CYP19A1: variants seen among roughly 807,000 people sequenced by gnomAD.
CYP19A1 encodes the protein aromatase.
A neutral mutation model predicts 44.4 loss-of-function variants in CYP19A1; 32 were observed. The observed-to-expected ratio is 0.72, with a 90% confidence interval of 0.54 to 0.97. The LOEUF is 0.97. Ranked by LOEUF, CYP19A1 falls within the 50% of genes least tolerant of loss-of-function variation. CYP19A1 has a pLI of 0.00. For synonymous variants in CYP19A1, 212 were observed against 215.6 expected (o/e 0.98, Z 0.14); for missense variants, 598 against 637.8 (o/e 0.94, Z 0.67).
intron 1 of CYP19A1, among the ~76,000 whole-genome samples, chr15:51,263,152 A>T (rs923138291): frequency 1.3e-5 from 2 of 152,222 alleles, no homozygotes; most frequent in African/African-American, 4.8e-5. Flanking sequence ...CAAAAAAAAA[A>T]TCCTCAGAAA....
rs545168622 is a variant in CYP19A1 at position 51,232,419 on chromosome 15, G to A, written c.296+4440C>T. Among the ~76,000 whole-genome samples the A allele has an allele frequency of 1.7e-4, 26 of 152,224 alleles. 1 individual carries two copies. The highest frequency in any genetic ancestry group is 6.0e-4 in the African/African-American group (25 of 41,496). On this transcript the variant is annotated intron_variant, in intron 3 of 9. Transcript: ENST00000396402. ...CTGGTTTTCTCTTCTCGGTCTAGCT[G>A]CTCTTCTCAGTCTCTGTTGCTAGTT...
chr15:51,322,175 G>A (rs912403345), intron 1 of CYP19A1, among the ~76,000 whole-genome samples: 12 of 152,200 alleles, frequency 7.9e-5, no homozygotes, highest in Non-Finnish European at 1.2e-4. Context: ...AAACCTGCGA[G>A]CCCCTGGCTG....
intron 3 of CYP19A1, among the ~76,000 whole-genome samples, chr15:51,234,985 G>C (rs1459817867): frequency 6.6e-6 from 1 of 152,054 alleles, no homozygotes; most frequent in African/African-American, 2.4e-5. Flanking sequence ...AGAGGTGATG[G>C]GGAAGGCAGA....
At position 51,215,095 on chromosome 15, in the gene CYP19A1, T is replaced by C. The variant is rs991244376; in HGVS notation, c.996A>G (p.Ile332Met). ...CAATAACAGTCTGGATTTCCTTTAT[T>C]ATTGCCTCTTCAACATTAGGGTGCT... ...IAKHPNVEEA[I>M]IKEIQTVIGE... The change falls in exon 8 of 10, where the codon ATA becomes ATG. Residue 332 changes from isoleucine to methionine, a missense_variant. Coordinates refer to ENST00000396402, the MANE Select transcript of CYP19A1 (RefSeq NM_000103.4). 1.9e-6 allele frequency: 3 copies of C among 1,614,050 alleles called. No individual in the cohort carries two copies. Among genetic ancestry groups the C allele is most frequent in the Non-Finnish European group, 2.5e-6 (3 of 1,179,970 alleles).
chr15:51,304,340 C>T (rs1270207654), intron 1 of CYP19A1, among the ~76,000 whole-genome samples: 1 of 152,068 alleles, frequency 6.6e-6, no homozygotes, highest in African/African-American at 2.4e-5. Context: ...TCTTTTTAGC[C>T]CTTAGCTAGT....
chr15:51,330,253 T>C (rs138608444), intron 1 of CYP19A1, among the ~76,000 whole-genome samples: 10 of 152,100 alleles, frequency 6.6e-5, no homozygotes, highest in African/African-American at 2.4e-4. Context: ...GCTCACAAAC[T>C]AGCAGACTGG....
At chr15:51,221,806 T>C (rs1298590641) in intron 5 of CYP19A1, 1 of 158,316 alleles carries the variant, frequency 6.3e-6, no homozygotes, top group East Asian at 1.8e-4. Context: ...ATTTTTAATA[T>C]TGTTTGGCAC....
intron 1 of CYP19A1, among the ~76,000 whole-genome samples, chr15:51,253,218 T>A (rs72547491): frequency 5.9e-5 from 9 of 152,332 alleles, no homozygotes; most frequent in East Asian, 3.9e-4. Context: ...ATAAAGCCTG[T>A]TAGGGCCTTA....
At chr15:51,219,703 G>T (rs1185387338) in intron 5 of CYP19A1, among the ~76,000 whole-genome samples, 2 of 152,194 alleles carry the variant, frequency 1.3e-5, no homozygotes, top group African/African-American at 2.4e-5. Context: ...TAACTCTGTG[G>T]GTTGCACAGG....
intron 5 of CYP19A1, 103 bp downstream of exon 5, chr15:51,222,246 C>G: frequency 1.3e-6 from 2 of 1,588,338 alleles, no homozygotes; most frequent in Non-Finnish European, 1.7e-6. Context: ...TAAACAAGAG[C>G]AATGTAGAAA....
chr15:51,227,887 G>A lies in CYP19A1; in HGVS notation c.343C>T (p.Arg115Ter), dbSNP rs2141079375. 1 of 1,584,086 alleles carries A rather than the reference G, an allele frequency of 6.3e-7. No individual in the cohort carries two copies. Among genetic ancestry groups the A allele is most frequent in the Non-Finnish European group, 8.7e-7 (1 of 1,152,740 alleles). The change falls in exon 4 of 10, where the codon CGA (arginine) becomes TGA (stop). Residue 115 changes from arginine (R) to a stop codon, truncating the protein, a stop_gained. Coordinates refer to ENST00000396402, the MANE Select transcript of CYP19A1 (RefSeq NM_000103.4). LOFTEE classifies it high-confidence loss of function. ...TGCAGCCCAAGTTTGCTGCCGAATC[G>A]AGAGCTGTAATGATTGTGCTTCATT... ...HIMKHNHYSS[R>*]FGSKLGLQCI...
chr15:51,333,391 C>T (rs970182988), intron 1 of CYP19A1, among the ~76,000 whole-genome samples: 6 of 152,162 alleles, frequency 3.9e-5, no homozygotes, highest in African/African-American at 1.4e-4. Context: ...ACCTGTACAA[C>T]TCCCTTACCT....
intron 1 of CYP19A1, among the ~76,000 whole-genome samples, chr15:51,301,491 T>A (rs1211507177): frequency 6.6e-6 from 1 of 152,124 alleles, no homozygotes; most frequent in Non-Finnish European, 1.5e-5. Flanking sequence ...AAGTAGAAAA[T>A]GAATGCTTTT....
intron 1 of CYP19A1, among the ~76,000 whole-genome samples, chr15:51,273,998 T>G (rs989310730): frequency 9.0e-6 from 1 of 111,000 alleles, no homozygotes; most frequent in Non-Finnish European, 1.8e-5. Context: ...CAGAGTGAAA[T>G]TTTGTCACAC....
At chr15:51,273,768 G>T (rs977053541) in intron 1 of CYP19A1, among the ~76,000 whole-genome samples, 5 of 152,160 alleles carry the variant, frequency 3.3e-5, no homozygotes, top group Non-Finnish European at 7.3e-5. Flanking sequence ...CACTTTGGGA[G>T]GCCAAGGTGG....
intron 8 of CYP19A1, among the ~76,000 whole-genome samples, chr15:51,213,527 G>T (rs60422469): frequency 0.01 from 1,573 of 152,244 alleles, 31 homozygotes; most frequent in African/African-American, 0.037. Flanking sequence ...GGCCTGTATA[G>T]CTGGGGTTGG....
intron 4 of CYP19A1, 29 bp downstream of exon 4, chr15:51,227,750 A>C: frequency 9.6e-7 from 1 of 1,038,552 alleles, no homozygotes; most frequent in African/African-American, 1.6e-5. Context: ...TAGACAAAAA[A>C]GATTGTAGCT....
At chr15:51,240,421 A>C (rs926638504) in intron 2 of CYP19A1, among the ~76,000 whole-genome samples, 2 of 152,142 alleles carry the variant, frequency 1.3e-5, no homozygotes, top group African/African-American at 2.4e-5. Flanking sequence ...TGCTTTGTAA[A>C]TTATAACTCA....
intron 1 of CYP19A1, among the ~76,000 whole-genome samples, chr15:51,324,284 CAT>C (rs1483644121): frequency 6.6e-6 from 1 of 152,218 alleles, no homozygotes. Context: ...TTTATAAAGG[CAT>C]AACTTCTTGG....
Sources: allele counts gnomAD v4.1 joint callset (sites outside exome capture counted in the v4.1 genomes callset), GRCh38; gene constraint gnomAD v4.1.1; transcripts MANE v1.5; gene names NCBI Gene and HGNC (gene_info 2026-07-23, HGNC 2026-07-21).